Variants in NUP93 observed in about 807,000 individuals in gnomAD.
The protein encoded by NUP93 is nucleoporin 93, also known as nuclear pore complex protein Nup93.
Under a neutral mutation model 107.8 loss-of-function variants are expected in NUP93, and 55 were observed. That is an observed-to-expected ratio of 0.51 (90% CI 0.41 to 0.64). NUP93 has a LOEUF of 0.64. Ranked by LOEUF, NUP93 falls within the 30% of genes least tolerant of loss-of-function variation. The pLI, the probability that NUP93 is intolerant of heterozygous loss-of-function variation, is 0.00. For synonymous variants in NUP93, 390 were observed against 397.5 expected (o/e 0.98, Z 0.22); for missense variants, 937 against 1,044.7 (o/e 0.90, Z 1.42).
chr16:56,738,707 T>C (rs1388747124), intron 1 of NUP93, among the ~76,000 whole-genome samples: 1 of 152,172 alleles, frequency 6.6e-6, no homozygotes, highest in Non-Finnish European at 1.5e-5. Context: ...TGACAGATAA[T>C]AGTAAAAAGT....
chr16:56,814,421 C>T (rs1260674574), intron 5 of NUP93, among the ~76,000 whole-genome samples: 1 of 152,158 alleles, frequency 6.6e-6, no homozygotes, highest in East Asian at 1.9e-4. Context: ...AACTCCTGGA[C>T]TCAAGTGATC....
chr16:56,839,328 T>C (rs1963976014), intron 19 of NUP93, 193 bp from the exon 20 acceptor site: 2 of 440,596 alleles, frequency 4.5e-6, no homozygotes, highest in Non-Finnish European at 8.0e-6. Flanking sequence ...TCTCAGAATT[T>C]TAAAAATTGT....
intron 3 of NUP93, among the ~76,000 whole-genome samples, chr16:56,761,626 G>A (rs967481879): frequency 6.6e-6 from 1 of 151,600 alleles, no homozygotes; most frequent in African/African-American, 2.4e-5. Flanking sequence ...AAATTATTAT[G>A]TCAGTTTATA....
chr16:56,825,708 C>T (rs1963644515), intron 8 of NUP93, among the ~76,000 whole-genome samples: 1 of 151,982 alleles, frequency 6.6e-6, no homozygotes, highest in African/African-American at 2.4e-5. Context: ...TTATCTTGTT[C>T]CATTAATTTC....
chr16:56,769,167 T>C (rs1305894257), intron 3 of NUP93, among the ~76,000 whole-genome samples: 3 of 152,232 alleles, frequency 2.0e-5, no homozygotes, highest in Non-Finnish European at 4.4e-5. Context: ...AAGACTGTTT[T>C]AGTGAAGGAG....
intron 1 of NUP93, among the ~76,000 whole-genome samples, chr16:56,731,608 A>G (rs1961536407): frequency 6.6e-6 from 1 of 151,960 alleles, no homozygotes; most frequent in South Asian, 2.1e-4. Flanking sequence ...GGATTTCACC[A>G]TGTTGGCCAG....
chr16:56,734,493 C>T (rs1294130668), intron 1 of NUP93, among the ~76,000 whole-genome samples: 1 of 152,112 alleles, frequency 6.6e-6, no homozygotes. Context: ...TGGATCTCAG[C>T]CTGTGAGTGA....
intron 6 of NUP93, among the ~76,000 whole-genome samples, chr16:56,821,195 C>G (rs915624985): frequency 3.3e-5 from 5 of 152,162 alleles, no homozygotes; most frequent in African/African-American, 1.2e-4. Flanking sequence ...CAGCCAGAGC[C>G]CTTCCATTCT....
At chr16:56,841,879 C>G in intron 21 of NUP93, 46 bp downstream of exon 21, 2 of 1,608,536 alleles carry the variant, frequency 1.2e-6, no homozygotes, top group Non-Finnish European at 1.7e-6. Flanking sequence ...CACCACCTTT[C>G]TGGTTTGGAA....
intron 5 of NUP93, among the ~76,000 whole-genome samples, chr16:56,813,471 T>TG (rs755897444): frequency 6.6e-6 from 1 of 152,228 alleles, no homozygotes; most frequent in Non-Finnish European, 1.5e-5. Flanking sequence ...CCAGTTCACC[T>TG]GTTAGGGGTT....
At chr16:56,762,185 G>A (rs1484730879) in intron 3 of NUP93, among the ~76,000 whole-genome samples, 1 of 152,096 alleles carries the variant, frequency 6.6e-6, no homozygotes, top group Non-Finnish European at 1.5e-5. Context: ...AAAAAATATT[G>A]ATGGCATATT....
intron 2 of NUP93, among the ~76,000 whole-genome samples, chr16:56,758,070 C>T (rs1350710234): frequency 7.9e-6 from 1 of 126,408 alleles, no homozygotes; most frequent in Admixed American, 7.9e-5. Flanking sequence ...CACTCTGTCT[C>T]AGAAAAAAAA....
At chr16:56,816,370 A>G (rs1167393245) in intron 5 of NUP93, among the ~76,000 whole-genome samples, 2 of 152,144 alleles carry the variant, frequency 1.3e-5, no homozygotes, top group Non-Finnish European at 2.9e-5. Context: ...ATAGGGGTAT[A>G]TATTTCTCAC....
intron 3 of NUP93, chr16:56,781,833 C>T: frequency 6.1e-6 from 6 of 984,884 alleles, no homozygotes; most frequent in Non-Finnish European, 7.2e-6. Flanking sequence ...TAAACTGTTA[C>T]TCCCATCAGT....
At chr16:56,827,778 G>T (rs1466776906) in intron 8 of NUP93, among the ~76,000 whole-genome samples, 1 of 152,230 alleles carries the variant, frequency 6.6e-6, no homozygotes, top group Non-Finnish European at 1.5e-5. Flanking sequence ...GGAGATTGAG[G>T]GGGGAAGATT....
chr16:56,809,726 T>G (rs1251195359), intron 5 of NUP93, among the ~76,000 whole-genome samples: 1 of 152,212 alleles, frequency 6.6e-6, no homozygotes, highest in East Asian at 1.9e-4. Context: ...GGTTTGTTCC[T>G]GATTTAAACA....
chr16:56,821,659 C>T (rs1963547055), intron 7 of NUP93, 66 bp downstream of exon 7: 7 of 1,027,580 alleles, frequency 6.8e-6, no homozygotes, highest in Admixed American at 3.8e-5. Flanking sequence ...AGCAACTTGC[C>T]GATTTGGTTG....
intron 8 of NUP93, among the ~76,000 whole-genome samples, chr16:56,827,534 G>A (rs757160017): frequency 1.5e-4 from 23 of 152,272 alleles, no homozygotes; most frequent in Non-Finnish European, 2.6e-4. Context: ...TCAAGCAAGT[G>A]AATCATATCT....
intron 3 of NUP93, among the ~76,000 whole-genome samples, chr16:56,786,967 T>C (rs16962025): frequency 0.013 from 1,913 of 152,352 alleles, 39 homozygotes; most frequent in African/African-American, 0.043. Flanking sequence ...AGCTAAGCAG[T>C]GTTTCCAGTT....
Sources: allele counts gnomAD v4.1 joint callset (sites outside exome capture counted in the v4.1 genomes callset), GRCh38; gene constraint gnomAD v4.1.1; transcripts MANE v1.5; gene names NCBI Gene and HGNC (gene_info 2026-07-23, HGNC 2026-07-21).